CCBE1: variants seen among roughly 807,000 people sequenced by gnomAD.
CCBE1 encodes the protein collagen and calcium binding EGF domains 1.
In CCBE1, 37 loss-of-function variants were observed where a neutral mutation model predicts 50.0. That is an observed-to-expected ratio of 0.74 (90% CI 0.57 to 0.97). The LOEUF (loss-of-function observed/expected upper bound fraction) is 0.97, where lower values mean the gene tolerates loss of function less well. Among genes scored for constraint, CCBE1 ranks in the 50% least tolerant of loss-of-function variants. The pLI, the probability that CCBE1 is intolerant of heterozygous loss-of-function variation, is 0.00. For synonymous variants in CCBE1, 234 were observed against 203.7 expected, an observed-to-expected ratio of 1.15 and a Z score of -1.27; for missense variants, 538 against 523.8, an observed-to-expected ratio of 1.03 and a Z score of -0.26.
At chr18:59,681,548 C>T (rs372551354) in intron 2 of CCBE1, among the ~76,000 whole-genome samples, 2 of 152,272 alleles carry the variant, frequency 1.3e-5, no homozygotes, top group African/African-American at 4.8e-5. Context: ...TGATACTTCA[C>T]CCTGTGTTCT....
intron 2 of CCBE1, among the ~76,000 whole-genome samples, chr18:59,617,128 A>C (rs558563095): frequency 1.3e-5 from 2 of 152,316 alleles, no homozygotes; most frequent in South Asian, 4.1e-4. Context: ...GAACTATACC[A>C]GTGTACAGTA....
chr18:59,585,408 G>A (rs1325841372), intron 2 of CCBE1, among the ~76,000 whole-genome samples: 1 of 151,950 alleles, frequency 6.6e-6, no homozygotes, highest in Non-Finnish European at 1.5e-5. Context: ...AAGACTGCAG[G>A]CTCCTGAAAA....
rs181123674 is a variant in CCBE1 at position 59,607,018 on chromosome 18, C to T, written c.212+89611G>A. ...CCGGTGCAGGGCCTGGCCTAGAGTA[C>T]GACAGAGTAGGTACTCCATAAAAGG... On this transcript the variant is annotated intron_variant, in intron 2 of 10. Coordinates refer to ENST00000439986, the MANE Select transcript of CCBE1 (RefSeq NM_133459.4). 5.3e-3 allele frequency among the ~76,000 whole-genome samples: 727 copies of T among 137,742 alleles called. 25 individuals are homozygous for T. The highest frequency in any genetic ancestry group is 0.051 in the Admixed American group (651 of 12,806). The allele number at this position is 137,742 out of a possible 152,430, so 90.4% of individuals were successfully genotyped here.
chr18:59,563,066 G>A (rs899131181), intron 2 of CCBE1, among the ~76,000 whole-genome samples: 1 of 152,224 alleles, frequency 6.6e-6, no homozygotes, highest in African/African-American at 2.4e-5. Flanking sequence ...TCCACGATTA[G>A]ACTAGGACGA....
At chr18:59,622,566 G>C (rs2053726894) in intron 2 of CCBE1, among the ~76,000 whole-genome samples, 1 of 151,582 alleles carries the variant, frequency 6.6e-6, no homozygotes, top group Non-Finnish European at 1.5e-5. Flanking sequence ...ACTTTGGGAG[G>C]CTGAGGCAGG....
chr18:59,575,288 C>T (rs2052977587), intron 2 of CCBE1, among the ~76,000 whole-genome samples: 2 of 152,142 alleles, frequency 1.3e-5, no homozygotes, highest in South Asian at 2.1e-4. Context: ...CACACTCCTA[C>T]CTACCACAGA....
intron 2 of CCBE1, among the ~76,000 whole-genome samples, chr18:59,677,746 C>T (rs1453413526): frequency 6.6e-6 from 1 of 151,814 alleles, no homozygotes; most frequent in Admixed American, 6.6e-5. Context: ...GAGAAACCAA[C>T]TGGATTAGTG....
In CCBE1 at chr18:59,433,549, C is replaced by T. The variant is rs1910016642; in HGVS notation, c.*2359G>A. The T allele has an allele frequency of 6.6e-6, 1 of 152,032 alleles. No homozygotes were observed. 9.4% of individuals were successfully genotyped at this position (152,032 alleles called of 1,614,324 possible). ...TTGCCACTAGAGGTTTGCAAAGCCCCTTCCTAACATTCTTAAGGAAGAAGA... is the reference window on the plus strand; with the variant it reads ...TTGCCACTAGAGGTTTGCAAAGCCCTTTCCTAACATTCTTAAGGAAGAAGA... On this transcript the variant is annotated 3_prime_UTR_variant, in exon 11 of 11. Coordinates refer to ENST00000439986, the MANE Select transcript of CCBE1 (RefSeq NM_133459.4).
At chr18:59,552,862 T>A (rs1011266607) in intron 2 of CCBE1, among the ~76,000 whole-genome samples, 8 of 152,042 alleles carry the variant, frequency 5.3e-5, no homozygotes, top group Admixed American at 2.0e-4. Flanking sequence ...AAGGAGGGAG[T>A]TTCCTCCTTG....
intron 2 of CCBE1, among the ~76,000 whole-genome samples, chr18:59,493,157 C>T (rs1229172182): frequency 6.6e-6 from 1 of 152,164 alleles, no homozygotes; most frequent in Non-Finnish European, 1.5e-5. Flanking sequence ...GAGAGAGTTT[C>T]ACTTGTAATG....
At chr18:59,534,065 T>TC (rs1462165449) in intron 2 of CCBE1, among the ~76,000 whole-genome samples, 3 of 151,908 alleles carry the variant, frequency 2.0e-5, no homozygotes, top group African/African-American at 7.3e-5. Context: ...TTCCTCCTTT[T>TC]CAAAAGTGTT....
At chr18:59,516,461 A>G (rs1033189894) in intron 2 of CCBE1, among the ~76,000 whole-genome samples, 1 of 152,204 alleles carries the variant, frequency 6.6e-6, no homozygotes, top group African/African-American at 2.4e-5. Context: ...CAAGTGGCCG[A>G]TAGTAGCTGC....
intron 2 of CCBE1, among the ~76,000 whole-genome samples, chr18:59,510,903 C>T (rs573758172): frequency 1.3e-5 from 2 of 152,218 alleles, no homozygotes; most frequent in African/African-American, 2.4e-5. Flanking sequence ...CTCTTACTGT[C>T]ATCAGCTCCT....
At chr18:59,546,162 A>G (rs1568198424) in intron 2 of CCBE1, among the ~76,000 whole-genome samples, 1 of 152,228 alleles carries the variant, frequency 6.6e-6, no homozygotes, top group African/African-American at 2.4e-5. Flanking sequence ...TATATGCTGA[A>G]TATTTGTAGA....
intron 2 of CCBE1, among the ~76,000 whole-genome samples, chr18:59,609,029 G>T (rs1388845889): frequency 6.6e-6 from 1 of 152,186 alleles, no homozygotes; most frequent in Admixed American, 6.5e-5. Context: ...CTTGCATTAT[G>T]TGACTTGTCA....
chr18:59,517,583 C>T (rs1189016686), intron 2 of CCBE1, among the ~76,000 whole-genome samples: 10 of 152,180 alleles, frequency 6.6e-5, no homozygotes, highest in Non-Finnish European at 7.3e-5. Flanking sequence ...TCATTGGACC[C>T]GAAGTCATAT....
chr18:59,463,275 C>A (rs536609083), intron 5 of CCBE1, among the ~76,000 whole-genome samples: 7 of 152,164 alleles, frequency 4.6e-5, no homozygotes, highest in Admixed American at 1.3e-4. Flanking sequence ...CTTGTCACTG[C>A]ACTCTGACCC....
chr18:59,472,780 G>A (rs1163065556), intron 3 of CCBE1, among the ~76,000 whole-genome samples: 1 of 152,206 alleles, frequency 6.6e-6, no homozygotes, highest in Admixed American at 6.5e-5. Flanking sequence ...ACATAGCTGA[G>A]ACTAGGTAAT....
intron 1 of CCBE1, 120 bp downstream of exon 1, chr18:59,697,092 G>T: frequency 7.4e-7 from 1 of 1,358,506 alleles, no homozygotes; most frequent in Non-Finnish European, 1.0e-6. Context: ...CCTTATCCCC[G>T]GAGAAGTGAG....
Sources: allele counts gnomAD v4.1 joint callset (sites outside exome capture counted in the v4.1 genomes callset), GRCh38; gene constraint gnomAD v4.1.1; transcripts MANE v1.5; gene names NCBI Gene and HGNC (gene_info 2026-07-23, HGNC 2026-07-21).